MRAP2: variants seen among roughly 807,000 people sequenced by gnomAD.
The protein encoded by MRAP2 is melanocortin-2 receptor accessory protein 2.
In MRAP2, 20 loss-of-function variants were observed where a neutral mutation model predicts 17.4. That is an observed-to-expected ratio of 1.15 (90% CI 0.81 to 1.67). The LOEUF (loss-of-function observed/expected upper bound fraction) is 1.67. Ranked by LOEUF, MRAP2 falls within the 40% of genes most tolerant of loss-of-function variation. The pLI is 0.00. For missense variants in MRAP2, 238 were observed against 240.0 expected (o/e 0.99, Z 0.05); for synonymous variants, 96 against 88.4 (o/e 1.09, Z -0.48).
the MRAP2 span, among the ~76,000 whole-genome samples, chr6:84,105,129 G>C: frequency 6.6e-6 from 1 of 152,070 alleles, no homozygotes; most frequent in African/African-American, 2.4e-5. Context: ...ACATTTTCCT[G>C]TCTTCTTCTG....
chr6:84,067,810 T>C (rs1197756452), intron 3 of MRAP2, among the ~76,000 whole-genome samples: 1 of 152,066 alleles, frequency 6.6e-6, no homozygotes, highest in Non-Finnish European at 1.5e-5. Context: ...GATGTATGGA[T>C]TGTGAAGATT....
chr6:84,133,882 C>T, the MRAP2 span, among the ~76,000 whole-genome samples: 1 of 152,188 alleles, frequency 6.6e-6, no homozygotes. Flanking sequence ...CAACAAGCCC[C>T]AGTGAGATGA....
chr6:84,135,537 G>A, the MRAP2 span, among the ~76,000 whole-genome samples: 2 of 152,164 alleles, frequency 1.3e-5, no homozygotes, highest in African/African-American at 2.4e-5. Flanking sequence ...AATTTAAACT[G>A]AACCACAAAA....
In MRAP2 at chr6:84,081,300, C is replaced by T. The variant is rs192038396; in HGVS notation, c.228-7791C>T. Among the ~76,000 whole-genome samples, 4 of 152,340 alleles carry T rather than the reference C, an allele frequency of 2.6e-5. No homozygotes were observed. The East Asian group carries it at 5.8e-4, about 22-fold the overall frequency. On this transcript the variant is annotated intron_variant, in intron 3 of 3. Coordinates refer to ENST00000257776, the MANE Select transcript of MRAP2 (RefSeq NM_138409.4). ...AAAACTGTCTACTGCATGAAGCTGT[C>T]AACTTCTCATCCTGGTTTGCAGTTT...
the MRAP2 span, among the ~76,000 whole-genome samples, chr6:84,097,173 C>A: frequency 6.6e-6 from 1 of 152,128 alleles, no homozygotes; most frequent in Non-Finnish European, 1.5e-5. Flanking sequence ...TACTCTCCTG[C>A]CCATCACAGA....
intron 3 of MRAP2, among the ~76,000 whole-genome samples, chr6:84,085,100 G>T (rs1368429171): frequency 6.6e-6 from 1 of 151,418 alleles, no homozygotes; most frequent in African/African-American, 2.4e-5. Context: ...CTGTCCCCAG[G>T]CTGGAGTGCA....
At chr6:84,101,367 T>G in the MRAP2 span, among the ~76,000 whole-genome samples, 3 of 152,216 alleles carry the variant, frequency 2.0e-5, no homozygotes, top group African/African-American at 2.4e-5. Flanking sequence ...TGTTTCATAC[T>G]TATTAGGGAC....
At chr6:84,095,287 ACT>A (rs1184841496), downstream of MRAP2, among the ~76,000 whole-genome samples, 1 of 152,206 alleles carries the variant, frequency 6.6e-6, no homozygotes, top group Non-Finnish European at 1.5e-5. Flanking sequence ...AGAGGGAGAC[ACT>A]ATCTCCATCT....
the MRAP2 span, among the ~76,000 whole-genome samples, chr6:84,117,688 T>G: frequency 4.8e-5 from 7 of 146,848 alleles, no homozygotes; most frequent in East Asian, 2.0e-4. Context: ...TGTGTGTGGT[T>G]GTTGTTGTTG....
intron 1 of MRAP2, among the ~76,000 whole-genome samples, chr6:84,054,338 C>T (rs943186142): frequency 2.0e-5 from 3 of 152,198 alleles, no homozygotes; most frequent in Non-Finnish European, 2.9e-5. Flanking sequence ...TTATCACCTT[C>T]GGTATCCGTG....
At chr6:84,139,428 A>C in the MRAP2 span, among the ~76,000 whole-genome samples, 1 of 152,224 alleles carries the variant, frequency 6.6e-6, no homozygotes, top group Non-Finnish European at 1.5e-5. Context: ...TGCACACATT[A>C]ATAAATTTGT....
upstream of MRAP2, chr6:84,033,642 C>CT (rs1402453084): frequency 1.0e-6 from 1 of 977,982 alleles, no homozygotes. Context: ...GCCAAGGCGG[C>CT]CTCGCGCTGG....
chr6:84,072,202 G>C (rs577498402), intron 3 of MRAP2, among the ~76,000 whole-genome samples: 1 of 152,260 alleles, frequency 6.6e-6, no homozygotes, highest in South Asian at 2.1e-4. Context: ...ATTTGGGTAG[G>C]CTCTGTCAGA....
At chr6:84,095,122 G>A (rs1053427401), downstream of MRAP2, among the ~76,000 whole-genome samples, 11 of 152,174 alleles carry the variant, frequency 7.2e-5, no homozygotes, top group Non-Finnish European at 5.9e-5. Flanking sequence ...GAGATGCTGT[G>A]CACACAGTGG....
At chr6:84,114,256 C>G in the MRAP2 span, among the ~76,000 whole-genome samples, 1 of 152,126 alleles carries the variant, frequency 6.6e-6, no homozygotes, top group South Asian at 2.1e-4. Flanking sequence ...TCCCATATTT[C>G]TTGGAGACTT....
the MRAP2 span, among the ~76,000 whole-genome samples, chr6:84,129,163 T>C: frequency 2.0e-5 from 3 of 152,216 alleles, no homozygotes; most frequent in African/African-American, 7.2e-5. Flanking sequence ...TGTGTGCATG[T>C]GTCTTAATAG....
the MRAP2 span, among the ~76,000 whole-genome samples, chr6:84,098,796 A>G: frequency 1.3e-5 from 2 of 152,046 alleles, no homozygotes; most frequent in Admixed American, 1.3e-4. Flanking sequence ...TTGTTTTATT[A>G]GGGAATTTGT....
intron 1 of MRAP2, among the ~76,000 whole-genome samples, chr6:84,053,183 ATCTTTATTT>A (rs2099490882): frequency 6.6e-6 from 1 of 152,158 alleles, no homozygotes; most frequent in South Asian, 2.1e-4. Flanking sequence ...GACACCCTCC[ATCTTTATTT>A]TCTTTATTCC....
At chr6:84,088,722 T>G (rs2099501084) in intron 3 of MRAP2, among the ~76,000 whole-genome samples, 1 of 152,164 alleles carries the variant, frequency 6.6e-6, no homozygotes, top group Non-Finnish European at 1.5e-5. Flanking sequence ...CATTCACAGA[T>G]TCTGAGGGTC....
Sources: gnomAD v4.1 joint callset for allele counts (sites outside exome capture counted in the v4.1 genomes callset) on GRCh38, gnomAD v4.1.1 for gene constraint, MANE v1.5 for transcripts, NCBI Gene and HGNC (gene_info 2026-07-23, HGNC 2026-07-21) for gene names.